ARHGEF4: variants seen among roughly 807,000 people sequenced by gnomAD.
ARHGEF4 encodes the protein Rho guanine nucleotide exchange factor 4.
ARHGEF4 carries 119 observed loss-of-function variants against 162.0 expected under a neutral mutation model. That is an observed-to-expected ratio of 0.73 (90% CI 0.63 to 0.86). The LOEUF (loss-of-function observed/expected upper bound fraction) is 0.86, where lower values mean the gene tolerates loss of function less well. ARHGEF4 is among the 40% of genes least tolerant of loss of function. The pLI is 0.00. For synonymous variants in ARHGEF4, 1,014 were observed against 979.9 expected, an observed-to-expected ratio of 1.03 and a Z score of -0.65; for missense variants, 2,488 against 2,456.0, an observed-to-expected ratio of 1.01 and a Z score of -0.28.
At chr2:130,871,554 TACATATATATATACACATATATAC>T (rs1457532018) in intron 1 of ARHGEF4, among the ~76,000 whole-genome samples, 1 of 146,978 alleles carries the variant, frequency 6.8e-6, no homozygotes, top group Non-Finnish European at 1.5e-5. Flanking sequence ...TATATATATA[TACATATATATATACACATATATAC>T]ATACATATAT....
chr2:130,905,759 A>G (rs1364368000), intron 1 of ARHGEF4, among the ~76,000 whole-genome samples: 1 of 152,094 alleles, frequency 6.6e-6, no homozygotes, highest in African/African-American at 2.4e-5. Flanking sequence ...TCTTTTTATC[A>G]CTAGTTATTT....
Position 130,936,371 on chromosome 2 carries a change from T to A in ARHGEF4, c.3858+5114T>A, listed in dbSNP as rs113029867. Among the ~76,000 whole-genome samples the A allele has an allele frequency of 9.4e-3, 1,427 of 152,352 alleles. 16 individuals carry two copies. Among genetic ancestry groups the A allele is most frequent in the Non-Finnish European group, 0.013 (853 of 68,040 alleles). On this transcript the variant is annotated intron_variant, in intron 3 of 13. Transcript: ENST00000409359. ...GGTACGTATGTTTGTAATTGTTATA[T>A]CTTCTTGATGAACTGACTTTTTAAT... is the stretch of plus-strand genomic sequence containing the variant.
chr2:130,876,342 G>C (rs1350192425), intron 1 of ARHGEF4, among the ~76,000 whole-genome samples: 1 of 152,222 alleles, frequency 6.6e-6, no homozygotes, highest in East Asian at 1.9e-4. Context: ...CCAGCACTTA[G>C]AGAACGCTTT....
chr2:130,990,165 GAAA>G (rs1157822575), intron 4 of ARHGEF4, among the ~76,000 whole-genome samples: 1 of 152,144 alleles, frequency 6.6e-6, no homozygotes, highest in Non-Finnish European at 1.5e-5. Flanking sequence ...CTTTTTTAAT[GAAA>G]ATGGACAGTG....
intron 4 of ARHGEF4, among the ~76,000 whole-genome samples, chr2:131,027,242 C>T (rs751488943): frequency 2.0e-5 from 3 of 152,218 alleles, no homozygotes; most frequent in Non-Finnish European, 4.4e-5. Flanking sequence ...ACAATCACAG[C>T]TACACACACA....
intron 4 of ARHGEF4, among the ~76,000 whole-genome samples, chr2:131,023,052 G>A (rs1489541096): frequency 7.7e-6 from 1 of 129,818 alleles, no homozygotes; most frequent in African/African-American, 3.0e-5. Flanking sequence ...ACCAGCCTGG[G>A]CAACATGGTG....
intron 1 of ARHGEF4, among the ~76,000 whole-genome samples, chr2:130,869,638 G>C (rs1353734449): frequency 2.6e-5 from 4 of 152,208 alleles, no homozygotes; most frequent in Non-Finnish European, 5.9e-5. Flanking sequence ...AATGACCTCT[G>C]CAGTTAGAGA....
chr2:130,993,399 C>T (rs1687174628), intron 4 of ARHGEF4, among the ~76,000 whole-genome samples: 1 of 151,794 alleles, frequency 6.6e-6, no homozygotes, highest in Non-Finnish European at 1.5e-5. Flanking sequence ...ACTGCATTGA[C>T]TTTCACAATA....
At chr2:131,036,228 C>T (rs1017796266) in intron 5 of ARHGEF4, among the ~76,000 whole-genome samples, 2 of 152,232 alleles carry the variant, frequency 1.3e-5, no homozygotes, top group African/African-American at 4.8e-5. Flanking sequence ...TGATGTCCTA[C>T]GAAACTGTCT....
intron 1 of ARHGEF4, among the ~76,000 whole-genome samples, chr2:130,869,303 G>T (rs543217612): frequency 6.6e-6 from 1 of 152,288 alleles, no homozygotes; most frequent in East Asian, 1.9e-4. Flanking sequence ...AGTGGTGTGA[G>T]GATAGGAAAG....
At chr2:130,853,209 G>A (rs766273595) in intron 1 of ARHGEF4, among the ~76,000 whole-genome samples, 61 of 152,202 alleles carry the variant, frequency 4.0e-4, no homozygotes, top group Non-Finnish European at 8.8e-5. Flanking sequence ...ATGATTCACA[G>A]TGCGGGTTAG....
chr2:130,842,514 A>G (rs1293433854), intron 1 of ARHGEF4, among the ~76,000 whole-genome samples: 1 of 152,168 alleles, frequency 6.6e-6, no homozygotes, highest in Admixed American at 6.5e-5. Flanking sequence ...CAGGGCAGTT[A>G]GAAGTAGCAA....
At chr2:130,861,004 C>A (rs1574112219) in intron 1 of ARHGEF4, among the ~76,000 whole-genome samples, 7 of 93,704 alleles carry the variant, frequency 7.5e-5, no homozygotes, top group South Asian at 8.7e-4. Flanking sequence ...AAGAAAAGAA[C>A]TTACATAGTA....
At chr2:130,983,501 C>T (rs896309887) in intron 4 of ARHGEF4, among the ~76,000 whole-genome samples, 8 of 152,156 alleles carry the variant, frequency 5.3e-5, no homozygotes, top group African/African-American at 1.7e-4. Context: ...TATATGCTGA[C>T]AATTCTGAAG....
intron 1 of ARHGEF4, among the ~76,000 whole-genome samples, chr2:130,871,358 A>G (rs1289654031): frequency 6.6e-6 from 1 of 152,080 alleles, no homozygotes; most frequent in African/African-American, 2.4e-5. Context: ...CAACATGGTG[A>G]AACCTTGTCT....
At position 130,917,464 on chromosome 2, in the gene ARHGEF4, C is replaced by T; in HGVS notation, c.3518C>T (p.Thr1173Ile). 3 of 1,550,462 alleles carry T rather than the reference C, an allele frequency of 1.9e-6. No individual in the cohort carries two copies. Among genetic ancestry groups the T allele is most frequent in the Non-Finnish European group, 2.6e-6 (3 of 1,146,946 alleles). Reference protein sequence around the residue: ...EGGQGPRGLGTVPWLRDLPGS... With the variant: ...EGGQGPRGLGIVPWLRDLPGS... ...GGCCAGGGTCCGCGCGGCTTGGGCA[C>T]AGTGCCCTGGCTCAGGGACCTTCCT... Residue 1173 changes from threonine to isoleucine, a missense_variant, in exon 2 of 14, where the codon ACA (threonine) becomes ATA (isoleucine). Physicochemically the swap from Thr to Ile is moderately conservative, Grantham distance 89. Transcript: ENST00000409359.
At chr2:131,027,087 A>G (rs560168353) in intron 4 of ARHGEF4, among the ~76,000 whole-genome samples, 7 of 152,314 alleles carry the variant, frequency 4.6e-5, no homozygotes, top group Admixed American at 4.6e-4. Context: ...AAACCCTCCA[A>G]CGCATGCCCA....
chr2:130,988,887 TATATATATATATATAGAG>T (rs1199232047), intron 4 of ARHGEF4, among the ~76,000 whole-genome samples: 7 of 113,040 alleles, frequency 6.2e-5, no homozygotes, highest in African/African-American at 2.2e-4. Context: ...TATATATATA[TATATATATATATATAGAG>T]AGAGAGAGAG....
chr2:130,868,127 A>T (rs939694557), intron 1 of ARHGEF4, among the ~76,000 whole-genome samples: 2 of 151,458 alleles, frequency 1.3e-5, no homozygotes, highest in Admixed American at 6.6e-5. Context: ...GGGTTTCACC[A>T]TGTTAGCCAG....
Sources: allele counts gnomAD v4.1 joint callset (sites outside exome capture counted in the v4.1 genomes callset), GRCh38; gene constraint gnomAD v4.1.1; transcripts MANE v1.5; gene names NCBI Gene and HGNC (gene_info 2026-07-23, HGNC 2026-07-21).